The following CNTNAP2 variants were observed in gnomAD, a reference collection of about 807,000 sequenced individuals.
CNTNAP2 encodes contactin associated protein 2.
CNTNAP2 carries 98 observed loss-of-function variants against 155.2 expected under a neutral mutation model. The ratio of observed to expected loss-of-function variants is 0.63; its 90% CI spans 0.54 to 0.75. The LOEUF is 0.75. Ranked by LOEUF, CNTNAP2 falls within the 30% of genes least tolerant of loss-of-function variation. The pLI, the probability that CNTNAP2 is intolerant of heterozygous loss-of-function variation, is 0.00. For missense variants in CNTNAP2, 1,727 were observed against 1,688.1 expected (o/e 1.02, Z -0.40); for synonymous variants, 651 against 631.2 (o/e 1.03, Z -0.47).
At chr7:146,334,172 C>G (rs71530733) in intron 1 of CNTNAP2, among the ~76,000 whole-genome samples, 8,324 of 152,256 alleles carry the variant, frequency 0.055, 300 homozygotes, top group Non-Finnish European at 0.085. Flanking sequence ...TGGCTCACGC[C>G]TGTAATCCCA....
intron 17 of CNTNAP2, among the ~76,000 whole-genome samples, chr7:148,152,452 A>C (rs920663917): frequency 2.0e-5 from 3 of 152,028 alleles, no homozygotes; most frequent in Non-Finnish European, 4.4e-5. Context: ...AGAATGCAAA[A>C]ATCTGAAAAA....
intron 2 of CNTNAP2, among the ~76,000 whole-genome samples, chr7:146,810,935 A>G (rs1803055223): frequency 6.6e-6 from 1 of 152,138 alleles, no homozygotes; most frequent in African/African-American, 2.4e-5. Flanking sequence ...AGTATATCAC[A>G]CTTTCTGTTT....
At chr7:146,684,364 T>C (rs961548326) in intron 1 of CNTNAP2, among the ~76,000 whole-genome samples, 5 of 152,076 alleles carry the variant, frequency 3.3e-5, no homozygotes, top group African/African-American at 9.7e-5. Context: ...TATGTATCAA[T>C]AGCTATGCAC....
At chr7:147,881,944 C>G (rs1799529931) in intron 13 of CNTNAP2, among the ~76,000 whole-genome samples, 1 of 151,926 alleles carries the variant, frequency 6.6e-6, no homozygotes, top group South Asian at 2.1e-4. Context: ...TGCACTCCAG[C>G]CTGGGCGACA....
chr7:147,399,417 A>G (rs775869493), intron 10 of CNTNAP2, among the ~76,000 whole-genome samples: 4 of 152,172 alleles, frequency 2.6e-5, no homozygotes, highest in African/African-American at 7.2e-5. Flanking sequence ...CACAAGAAGT[A>G]GTGAGATGTG....
At chr7:147,424,570 A>G (rs1797348334) in intron 10 of CNTNAP2, among the ~76,000 whole-genome samples, 1 of 152,004 alleles carries the variant, frequency 6.6e-6, no homozygotes, top group African/African-American at 2.4e-5. Context: ...CCTTGGACTT[A>G]TACTGCTTCC....
intron 14 of CNTNAP2, among the ~76,000 whole-genome samples, chr7:147,941,913 A>G (rs551299396): frequency 2.0e-5 from 3 of 152,212 alleles, no homozygotes; most frequent in African/African-American, 7.2e-5. Context: ...CTATACCGAC[A>G]TATTTAAAGT....
chr7:148,261,636 C>T (rs972163067), intron 20 of CNTNAP2, among the ~76,000 whole-genome samples: 1 of 152,084 alleles, frequency 6.6e-6, no homozygotes, highest in East Asian at 1.9e-4. Flanking sequence ...GCTGGGGGAG[C>T]GACAGGCTGG....
In CNTNAP2 at chr7:147,705,034, T is replaced by C. The variant is rs1796290279; in HGVS notation, c.2098+65728T>C. Among the ~76,000 whole-genome samples, 5 of 152,260 alleles carry C rather than the reference T, an allele frequency of 3.3e-5. No homozygotes were observed. The South Asian group carries it at 1.0e-3, about 32-fold the overall frequency. On this transcript the variant is annotated intron_variant, in intron 13 of 23. Coordinates refer to ENST00000361727, the MANE Select transcript of CNTNAP2 (RefSeq NM_014141.6). ...CCAACTTTTCATTTTGTTGATCCTT[T>C]GTATTTTTTTAAGTCTCTGTTTCGT...
At chr7:147,202,251 A>G (rs1802936716) in intron 8 of CNTNAP2, among the ~76,000 whole-genome samples, 1 of 151,660 alleles carries the variant, frequency 6.6e-6, no homozygotes, top group Admixed American at 6.6e-5. Flanking sequence ...TAAAAAAAAA[A>G]AAGAAATCTA....
intron 15 of CNTNAP2, among the ~76,000 whole-genome samples, chr7:148,012,362 ACCAG>A (rs1257835343): frequency 6.6e-6 from 1 of 152,238 alleles, no homozygotes; most frequent in Non-Finnish European, 1.5e-5. Context: ...CTGTCATAAT[ACCAG>A]GATAGAAAGT....
chr7:147,931,010 A>G (rs1423793912), intron 14 of CNTNAP2, among the ~76,000 whole-genome samples: 1 of 152,198 alleles, frequency 6.6e-6, no homozygotes, highest in Non-Finnish European at 1.5e-5. Context: ...AAATGAAAAC[A>G]CAACATACCA....
intron 18 of CNTNAP2, among the ~76,000 whole-genome samples, chr7:148,214,996 T>TA (rs775639088): frequency 2.0e-5 from 3 of 152,208 alleles, no homozygotes; most frequent in South Asian, 4.1e-4. Context: ...CACACACAGT[T>TA]ACAAAAGTTT....
chr7:146,978,471 C>T (rs934993189), intron 3 of CNTNAP2, among the ~76,000 whole-genome samples: 1 of 152,088 alleles, frequency 6.6e-6, no homozygotes, highest in Non-Finnish European at 1.5e-5. Flanking sequence ...ACTACATGGT[C>T]TGTAAAGTTT....
chr7:148,371,254 AG>A (rs1798882209), intron 21 of CNTNAP2, among the ~76,000 whole-genome samples: 1 of 152,178 alleles, frequency 6.6e-6, no homozygotes, highest in South Asian at 2.1e-4. Flanking sequence ...CCAACAAAGG[AG>A]GGGGAGAGGA....
chr7:146,940,547 A>T (rs1192340696), intron 3 of CNTNAP2, among the ~76,000 whole-genome samples: 1 of 151,984 alleles, frequency 6.6e-6, no homozygotes, highest in Non-Finnish European at 1.5e-5. Context: ...TTAATAAATT[A>T]TGTGTTTGCT....
At chr7:146,457,736 C>T (rs1321540079) in intron 1 of CNTNAP2, among the ~76,000 whole-genome samples, 2 of 151,418 alleles carry the variant, frequency 1.3e-5, no homozygotes, top group African/African-American at 4.9e-5. Context: ...ATCTCCTGAC[C>T]TCATGATCCA....
intron 10 of CNTNAP2, among the ~76,000 whole-genome samples, chr7:147,417,931 T>G (rs1005042489): frequency 6.6e-6 from 1 of 152,196 alleles, no homozygotes; most frequent in Non-Finnish European, 1.5e-5. Flanking sequence ...ATAAAACATT[T>G]GCTATCAAAC....
chr7:147,387,069 G>A (rs868811083), intron 9 of CNTNAP2, among the ~76,000 whole-genome samples: 2 of 151,994 alleles, frequency 1.3e-5, no homozygotes, highest in African/African-American at 4.8e-5. Context: ...TCACCATCAC[G>A]GGAATAGCAC....
Sources: gnomAD v4.1 joint callset for allele counts (sites outside exome capture counted in the v4.1 genomes callset) on GRCh38, gnomAD v4.1.1 for gene constraint, MANE v1.5 for transcripts, NCBI Gene and HGNC (gene_info 2026-07-23, HGNC 2026-07-21) for gene names.